FAM13A: variants seen among roughly 807,000 people sequenced by gnomAD.
FAM13A encodes family with sequence similarity 13 member A.
In FAM13A, 76 loss-of-function variants were observed where a neutral mutation model predicts 129.6. The observed-to-expected ratio is 0.59, with a 90% CI of 0.49 to 0.71. The LOEUF (loss-of-function observed/expected upper bound fraction) is 0.71, where lower values mean the gene tolerates loss of function less well. Ranked by LOEUF, FAM13A falls within the 30% of genes least tolerant of loss-of-function variation. The pLI, the probability that FAM13A is intolerant of heterozygous loss-of-function variation, is 0.00. For synonymous variants in FAM13A, 443 were observed against 449.9 expected (o/e 0.98, Z 0.20); for missense variants, 1,108 against 1,249.3 (o/e 0.89, Z 1.70).
chr4:89,009,978 G>A (rs1436439994), intron 3 of FAM13A, among the ~76,000 whole-genome samples: 1 of 152,192 alleles, frequency 6.6e-6, no homozygotes, highest in Non-Finnish European at 1.5e-5. Flanking sequence ...AGAGTCCTCT[G>A]GTGAGAACTG....
chr4:88,998,680 A>G (rs114469432), intron 3 of FAM13A, among the ~76,000 whole-genome samples: 11 of 152,332 alleles, frequency 7.2e-5, no homozygotes, highest in Middle Eastern at 6.8e-3. Context: ...AATAAACAAA[A>G]CATGAATTAT....
intron 5 of FAM13A, among the ~76,000 whole-genome samples, chr4:88,929,421 T>C (rs1286518421): frequency 6.6e-6 from 1 of 152,210 alleles, no homozygotes; most frequent in Non-Finnish European, 1.5e-5. Flanking sequence ...CTCCTATATC[T>C]GGATGTCTAA....
chr4:88,983,177 C>T (rs951781909), intron 4 of FAM13A, among the ~76,000 whole-genome samples: 2 of 152,020 alleles, frequency 1.3e-5, no homozygotes, highest in South Asian at 4.1e-4. Flanking sequence ...AATAAAACTT[C>T]TGCTTGAAAA....
intron 4 of FAM13A, among the ~76,000 whole-genome samples, chr4:88,971,535 C>T (rs1354185073): frequency 6.6e-6 from 1 of 152,112 alleles, no homozygotes; most frequent in African/African-American, 2.4e-5. Flanking sequence ...AAGTTGGGGT[C>T]TCACTCTGTC....
intron 6 of FAM13A, among the ~76,000 whole-genome samples, chr4:88,890,838 A>G (rs2150162277): frequency 6.6e-6 from 1 of 152,312 alleles, no homozygotes; most frequent in Non-Finnish European, 1.5e-5. Context: ...CAGCTAGAAT[A>G]TTTTAAAAAT....
At chr4:88,905,602 T>G (rs1328937243) in intron 6 of FAM13A, 2 of 152,150 alleles carry the variant, frequency 1.3e-5, no homozygotes, top group African/African-American at 4.8e-5. Context: ...TTTCCTTCTT[T>G]GTGTTCATAA....
intron 4 of FAM13A, among the ~76,000 whole-genome samples, chr4:88,959,157 G>T (rs1460441865): frequency 2.6e-5 from 4 of 152,166 alleles, no homozygotes; most frequent in African/African-American, 9.7e-5. Flanking sequence ...TGAGATTTTG[G>T]ACTTTTGAGT....
chr4:88,878,417 C>G (rs992178587), intron 6 of FAM13A, among the ~76,000 whole-genome samples: 2 of 150,774 alleles, frequency 1.3e-5, no homozygotes, highest in Non-Finnish European at 2.9e-5. Context: ...ATTGAGAGCA[C>G]TATACTGGTA....
intron 7 of FAM13A, among the ~76,000 whole-genome samples, chr4:88,829,066 T>C (rs1427733942): frequency 2.0e-5 from 3 of 152,226 alleles, no homozygotes; most frequent in African/African-American, 4.8e-5. Context: ...ACAAAAACCA[T>C]GTGGCTGTGT....
intron 5 of FAM13A, among the ~76,000 whole-genome samples, chr4:88,925,165 G>A (rs1751884235): frequency 6.6e-6 from 1 of 151,942 alleles, no homozygotes; most frequent in Non-Finnish European, 1.5e-5. Flanking sequence ...CAGGGATCTA[G>A]AACTAGAAAT....
intron 3 of FAM13A, among the ~76,000 whole-genome samples, chr4:89,011,548 T>C (rs966412186): frequency 3.3e-5 from 5 of 152,128 alleles, no homozygotes; most frequent in African/African-American, 1.2e-4. Flanking sequence ...ATGTGAGATC[T>C]TTCTTAAACA....
intron 8 of FAM13A, among the ~76,000 whole-genome samples, chr4:88,804,409 T>A (rs1436213026): frequency 1.3e-5 from 2 of 152,172 alleles, no homozygotes; most frequent in South Asian, 2.1e-4. Context: ...AGACATGCAA[T>A]AAGGAAGACT....
chr4:88,924,205 T>C (rs1221911234), intron 5 of FAM13A, among the ~76,000 whole-genome samples: 1 of 152,126 alleles, frequency 6.6e-6, no homozygotes, highest in African/African-American at 2.4e-5. Context: ...AAAAACTACT[T>C]TAAAGTTCAT....
chr4:88,770,469 T>C (rs967894514), intron 11 of FAM13A, among the ~76,000 whole-genome samples: 2 of 152,208 alleles, frequency 1.3e-5, no homozygotes, highest in Non-Finnish European at 2.9e-5. Flanking sequence ...GATACATTCA[T>C]AGTTACGTGT....
chr4:88,878,294 A>T (rs1437910901), intron 6 of FAM13A, among the ~76,000 whole-genome samples: 11 of 69,582 alleles, frequency 1.6e-4, no homozygotes, highest in Admixed American at 1.4e-3. Flanking sequence ...TCTCAAAAAA[A>T]AAAAAAAAAA....
At chr4:88,952,600 T>C (rs1001652491) in intron 4 of FAM13A, among the ~76,000 whole-genome samples, 42 of 152,210 alleles carry the variant, frequency 2.8e-4, no homozygotes, top group African/African-American at 8.9e-4. Context: ...TATAGGTACA[T>C]GTAGTTCATT....
chr4:88,819,189 A>C (rs1342138288), intron 7 of FAM13A, among the ~76,000 whole-genome samples: 2 of 152,230 alleles, frequency 1.3e-5, no homozygotes, highest in Admixed American at 1.3e-4. Context: ...AAAAATAATT[A>C]CATAGACATG....
At chr4:88,837,412 G>A (rs1229185118) in intron 7 of FAM13A, among the ~76,000 whole-genome samples, 2 of 150,052 alleles carry the variant, frequency 1.3e-5, no homozygotes, top group Non-Finnish European at 1.5e-5. Flanking sequence ...TCTCAGTAAC[G>A]TTTAAGAATA....
At chr4:88,783,474 T>C (rs865929513) in intron 10 of FAM13A, among the ~76,000 whole-genome samples, 2 of 152,162 alleles carry the variant, frequency 1.3e-5, no homozygotes, top group Non-Finnish European at 1.5e-5. Context: ...AATTTTTGTA[T>C]TTTTAGTAGA....
Sources: gnomAD v4.1 joint callset for allele counts (sites outside exome capture counted in the v4.1 genomes callset) on GRCh38, gnomAD v4.1.1 for gene constraint, MANE v1.5 for transcripts, NCBI Gene and HGNC (gene_info 2026-07-23, HGNC 2026-07-21) for gene names.